PCM1: variants seen among roughly 807,000 people sequenced by gnomAD.
The protein encoded by PCM1 is pericentriolar material 1, also known as pericentriolar material 1 protein.
A neutral mutation model predicts 241.9 loss-of-function variants in PCM1; 157 were observed. That is an observed-to-expected ratio of 0.65 (90% CI 0.57 to 0.74). PCM1 has a LOEUF of 0.74. PCM1 is among the 30% of genes least tolerant of loss of function. PCM1 has a pLI of 0.00. For missense variants in PCM1, 3,478 were observed against 2,360.1 expected, an observed-to-expected ratio of 1.47 and a Z score of -9.81; for synonymous variants, 1,085 against 784.9, an observed-to-expected ratio of 1.38 and a Z score of -6.39.
intron 15 of PCM1, among the ~76,000 whole-genome samples, chr8:17,961,798 T>C (rs947860087): frequency 1.3e-5 from 2 of 152,200 alleles, no homozygotes; most frequent in African/African-American, 4.8e-5. Flanking sequence ...TTTTCCATTA[T>C]GTTTTATCCC....
Position 17,939,849 on chromosome 8 carries a change from TA to T in PCM1, c.778del (p.Ile260SerfsTer14). On this transcript the variant is annotated frameshift_variant, in exon 6 of 39. Transcript: ENST00000325083. LOFTEE classifies it high-confidence loss of function. ...EQEKSYMKFLKKILARDPQQE... is the reference protein window; with the variant it reads ...EQEKSYMKFLXKILARDPQQE... ...AAGAGAAGTCATATATGAAATTTCT[TA>T]AAAAAATCCTTGTAAGTATTCGACT... 1.3e-6 allele frequency: 2 copies of T among 1,492,292 alleles called. No homozygotes were observed. Among genetic ancestry groups the T allele is most frequent in the Non-Finnish European group, 1.8e-6 (2 of 1,102,632 alleles). 92.4% of individuals were successfully genotyped at this position (1,492,292 alleles called of 1,614,324 possible).
At chr8:17,946,832 AGTGT>A (rs368892136) in intron 6 of PCM1, among the ~76,000 whole-genome samples, 15,233 of 138,238 alleles carry the variant, frequency 0.11, 752 homozygotes, top group Middle Eastern at 0.18. Flanking sequence ...TAGATTCTTC[AGTGT>A]GTGTGTGTGT....
intron 2 of PCM1, among the ~76,000 whole-genome samples, chr8:17,931,104 A>C (rs1278054167): frequency 6.6e-6 from 1 of 152,184 alleles, no homozygotes; most frequent in Non-Finnish European, 1.5e-5. Flanking sequence ...GTTTTAAAAA[A>C]TACTAAAAAA....
chr8:17,985,639 A>AT lies in PCM1; in HGVS notation c.4281+25dup. The AT allele has an allele frequency of 1.3e-6, 2 of 1,575,928 alleles. No individual in the cohort carries two copies. The highest frequency in any genetic ancestry group is 1.7e-6 in the Non-Finnish European group (2 of 1,154,592). ...TTGCAGGTATCTGGTACCTAACATA[A>AT]TTTTTCCTACCCTATTATCACCTTC... On this transcript the variant is annotated intron_variant, in intron 25 of 38. Transcript: ENST00000325083.
Position 17,991,557 on chromosome 8 carries a change from A to T in PCM1, c.4547A>T (p.His1516Leu), listed in dbSNP as rs757035943. 6.2e-7 allele frequency: 1 copy of T among 1,601,688 alleles called. No individual in the cohort carries two copies. The highest frequency in any genetic ancestry group is 8.5e-7 in the Non-Finnish European group (1 of 1,173,622). ...ATDDLGNTVI[H>L]LDQALARMRE... is the part of the protein sequence containing the mutation. ...CCAAATGTAGGTAACACCGTGATTCACTTAGATCAAGCATTAGCCAGAATG... is the reference window on the plus strand; with the variant it reads ...CCAAATGTAGGTAACACCGTGATTCTCTTAGATCAAGCATTAGCCAGAATG... The change falls in exon 28 of 39, where the codon CAC becomes CTC. Residue 1516 changes from histidine (H) to leucine (L), a missense_variant. Coordinates refer to ENST00000325083, the MANE Select transcript of PCM1 (RefSeq NM_006197.4).
At chr8:17,967,301 A>T in intron 21 of PCM1, 131 bp downstream of exon 21, 1 of 636,680 alleles carries the variant, frequency 1.6e-6, no homozygotes, top group East Asian at 3.1e-5. Context: ...GAAAGTTACA[A>T]ACTCTTTTTT....
chr8:18,020,400 C>T (rs1419425843), intron 36 of PCM1, among the ~76,000 whole-genome samples: 1 of 152,172 alleles, frequency 6.6e-6, no homozygotes, highest in African/African-American at 2.4e-5. Context: ...CCAGTCAGAT[C>T]CAACATGTCT....
chr8:17,960,537 T>TTTTTTTTTC, intron 15 of PCM1, 93 bp downstream of exon 15: 1 of 943,998 alleles, frequency 1.1e-6, no homozygotes. Context: ...GTTTTTCTTT[T>TTTTTTTTTC]TTTTTGAGGC....
chr8:18,018,250 A>G (rs2093414067), intron 36 of PCM1, among the ~76,000 whole-genome samples: 1 of 152,156 alleles, frequency 6.6e-6, no homozygotes, highest in Admixed American at 6.6e-5. Flanking sequence ...CTAAACCTGA[A>G]CTGCTCTGTT....
At position 17,947,065 on chromosome 8, in the gene PCM1, C is replaced by T. The variant is rs556014145; in HGVS notation, c.784-121C>T. 535 of 567,386 alleles carry T rather than the reference C, an allele frequency of 9.4e-4. 9 individuals carry two copies. In the South Asian group the frequency reaches 0.016, roughly 17 times the overall value. The allele number at this position is 567,386 out of a possible 1,614,324, so 35.1% of individuals were successfully genotyped here. A position where few individuals can be genotyped will look rare whatever the true frequency, so the allele number is the denominator to read the frequency against. ...TCTTTTTTCTTGATGTCTACTAAAA[C>T]TATATTTAGGGTTGTATATTTAATA... On this transcript the variant is annotated intron_variant, in intron 6 of 38. Transcript: ENST00000325083.
intron 21 of PCM1, among the ~76,000 whole-genome samples, chr8:17,968,762 G>GTGTGTGTGTGTGTGTGTATATATA (rs373502456): frequency 2.2e-5 from 3 of 136,734 alleles, no homozygotes; most frequent in African/African-American, 8.3e-5. Flanking sequence ...GTGTGTGTGT[G>GTGTGTGTGTGTGTGTGTATATATA]TATATATATA....
chr8:18,003,692 G>C (rs148017534), intron 29 of PCM1, among the ~76,000 whole-genome samples: 3 of 152,162 alleles, frequency 2.0e-5, no homozygotes, highest in African/African-American at 7.2e-5. Context: ...AAGAATTTGA[G>C]GGATAAGGCA....
chr8:17,944,120 T>A (rs558113902), intron 6 of PCM1, among the ~76,000 whole-genome samples: 1 of 152,228 alleles, frequency 6.6e-6, no homozygotes, highest in Admixed American at 6.5e-5. Context: ...AAGCTTTCTT[T>A]GTACCTTGTA....
At chr8:17,972,916 T>C (rs746643047) in intron 23 of PCM1, among the ~76,000 whole-genome samples, 1 of 152,188 alleles carries the variant, frequency 6.6e-6, no homozygotes, top group Non-Finnish European at 1.5e-5. Context: ...GCATTTATTT[T>C]TTGTACTTCT....
intron 20 of PCM1, 57 bp downstream of exon 20, chr8:17,966,530 T>G: frequency 1.6e-5 from 24 of 1,495,380 alleles, no homozygotes; most frequent in Non-Finnish European, 2.0e-5. Flanking sequence ...GAGCAGAGGT[T>G]TTACAGTTAG....
chr8:17,968,762 G>GTGTGTATA (rs373502456), intron 21 of PCM1, among the ~76,000 whole-genome samples: 1,491 of 136,742 alleles, frequency 0.011, 19 homozygotes, highest in African/African-American at 0.019. Context: ...GTGTGTGTGT[G>GTGTGTATA]TATATATATA....
Position 17,948,087 on chromosome 8 carries a change from A to G in PCM1, c.961+724A>G, listed in dbSNP as rs193118899. Among the ~76,000 whole-genome samples, 44 of 152,230 alleles carry G rather than the reference A, an allele frequency of 2.9e-4. No homozygotes were observed. In the Middle Eastern group the frequency reaches 0.024, roughly 82 times the overall value. The stretch of plus-strand genomic sequence containing the variant: ...ACTAAGTTATGTTTTCTAATAGTCT[A>G]TCCCCCACTGTCTGCTTTTAGTAAT... On this transcript the variant is annotated intron_variant, in intron 7 of 38. Coordinates refer to ENST00000325083, the MANE Select transcript of PCM1 (RefSeq NM_006197.4).
At chr8:17,971,949 T>C (rs1337297275) in intron 22 of PCM1, among the ~76,000 whole-genome samples, 3 of 152,004 alleles carry the variant, frequency 2.0e-5, no homozygotes, top group Non-Finnish European at 4.4e-5. Context: ...CTCACCAACT[T>C]GTCTGGGCTG....
intron 36 of PCM1, chr8:18,015,769 G>C (rs1358609740): frequency 6.6e-6 from 1 of 152,138 alleles, no homozygotes; most frequent in African/African-American, 2.4e-5. Context: ...TGGAAGCATC[G>C]AGGAACCAGG....
Sources: allele counts gnomAD v4.1 joint callset (sites outside exome capture counted in the v4.1 genomes callset), GRCh38; gene constraint gnomAD v4.1.1; transcripts MANE v1.5; gene names NCBI Gene and HGNC (gene_info 2026-07-23, HGNC 2026-07-21).